Variants in MTUS1 observed in about 807,000 individuals in gnomAD.
The protein encoded by MTUS1 is microtubule associated scaffold protein 1, also known as microtubule-associated tumor suppressor 1.
In MTUS1, 109 loss-of-function variants were observed where a neutral mutation model predicts 120.8. The observed-to-expected ratio is 0.90, with a 90% CI of 0.77 to 1.06. The LOEUF is 1.06. Ranked by LOEUF, MTUS1 falls within the 50% of genes least tolerant of loss-of-function variation. The pLI is 0.00. For missense variants in MTUS1, 2,210 were observed against 1,486.3 expected (o/e 1.49, Z -8.01); for synonymous variants, 737 against 550.5 (o/e 1.34, Z -4.74).
chr8:17,646,989 T>A lies in MTUS1; in HGVS notation c.3592A>T (p.Ile1198Phe), dbSNP rs771830817. ...GCACTGTTTTATTTTTACCTTGAGA[T>A]TGCCATGTGCTTGTCCATCCGAGCT... ...LKARMDKHMA[I>F]SRQLSTEQAV... The change falls in exon 14 of 15, where the codon ATC becomes TTC. Residue 1198 changes from isoleucine (I) to phenylalanine (F), a missense_variant. Coordinates refer to ENST00000693296, the MANE Select transcript of MTUS1 (RefSeq NM_001363059.2). 3.1e-6 allele frequency: 5 copies of A among 1,613,278 alleles called. No individual in the cohort carries two copies. Among genetic ancestry groups the A allele is most frequent in the East Asian group, 2.2e-5 (1 of 44,862 alleles).
rs1199878054 is a variant in MTUS1 at position 17,727,595 on chromosome 8, T to C, written c.2288-3762A>G. Among the ~76,000 whole-genome samples, 3 of 152,222 alleles carry C rather than the reference T, an allele frequency of 2.0e-5. No homozygotes were observed. In the East Asian group the frequency reaches 5.8e-4, roughly 29 times the overall value. On this transcript the variant is annotated intron_variant, in intron 3 of 14. Transcript: ENST00000693296. ...CTAAAACATAGCAATATTAGGTTAATTGAGAGACTGCAAGTAACACAGGCG... is the reference window on the plus strand; with the variant it reads ...CTAAAACATAGCAATATTAGGTTAACTGAGAGACTGCAAGTAACACAGGCG...
At chr8:17,714,650 G>T (rs912310577) in intron 5 of MTUS1, among the ~76,000 whole-genome samples, 1 of 152,008 alleles carries the variant, frequency 6.6e-6, no homozygotes, top group Non-Finnish European at 1.5e-5. Flanking sequence ...ATACAGAAGA[G>T]TATATTCATT....
At chr8:17,780,974 T>A (rs1171229671) in intron 1 of MTUS1, 1 of 152,200 alleles carries the variant, frequency 6.6e-6, no homozygotes, top group African/African-American at 2.4e-5. Flanking sequence ...TAGTCAATCC[T>A]GAGGGGCTGT....
chr8:17,681,894 C>A (rs1264577999), intron 7 of MTUS1, among the ~76,000 whole-genome samples: 1 of 152,046 alleles, frequency 6.6e-6, no homozygotes, highest in Non-Finnish European at 1.5e-5. Context: ...TTTTATTTAA[C>A]CCAAATATAT....
At position 17,656,608 on chromosome 8, in the gene MTUS1, C is replaced by A. The variant is rs1353271487; in HGVS notation, c.2906-543G>T. Among the ~76,000 whole-genome samples the A allele has an allele frequency of 5.1e-5, 7 of 138,440 alleles. No individual in the cohort carries two copies. In the East Asian group the frequency reaches 1.1e-3, roughly 22 times the overall value. 90.8% of individuals were successfully genotyped at this position (138,440 alleles called of 152,430 possible). On this transcript the variant is annotated intron_variant, in intron 8 of 14. Transcript: ENST00000693296. ...GCAGTAAGAGAAGTACTTCAGAAGACCCAGGTTTCTAAGAGAAGATCCCCT... is the reference window on the plus strand; with the variant it reads ...GCAGTAAGAGAAGTACTTCAGAAGAACCAGGTTTCTAAGAGAAGATCCCCT...
intron 6 of MTUS1, among the ~76,000 whole-genome samples, chr8:17,710,117 A>T (rs955073334): frequency 2.6e-5 from 4 of 152,174 alleles, no homozygotes; most frequent in African/African-American, 9.7e-5. Flanking sequence ...TCTTGCCTCA[A>T]TGTTGGTGGC....
At chr8:17,715,401 TG>T (rs1822126246) in intron 5 of MTUS1, among the ~76,000 whole-genome samples, 1 of 152,180 alleles carries the variant, frequency 6.6e-6, no homozygotes, top group Non-Finnish European at 1.5e-5. Flanking sequence ...ACCAAAGACA[TG>T]AAGACACAAG....
In MTUS1 at chr8:17,650,715, C is replaced by T. The variant is rs140702914; in HGVS notation, c.3385-753G>A. The stretch of plus-strand genomic sequence containing the variant: ...AGAACAAGATCCTGTCTCAAAAACA[C>T]AAAACTCTCCAAAATAAATGCTACA... On this transcript the variant is annotated intron_variant, in intron 12 of 14. Coordinates refer to ENST00000693296, the MANE Select transcript of MTUS1 (RefSeq NM_001363059.2). Among the ~76,000 whole-genome samples the T allele has an allele frequency of 5.3e-3, 808 of 152,254 alleles. 1 individual carries two copies. Among genetic ancestry groups the T allele is most frequent in the South Asian group, 0.024 (115 of 4,826 alleles).
chr8:17,671,541 A>G (rs1812018617), intron 8 of MTUS1, among the ~76,000 whole-genome samples: 1 of 152,214 alleles, frequency 6.6e-6, no homozygotes, highest in African/African-American at 2.4e-5. Context: ...TGTGGCTCAG[A>G]CAGTGGAAAC....
At chr8:17,650,051 C>T in intron 12 of MTUS1, 89 bp from the exon 13 acceptor site, 1 of 780,352 alleles carries the variant, frequency 1.3e-6, no homozygotes, top group South Asian at 1.5e-5. Flanking sequence ...AGACATTAGA[C>T]AAGTAGCAAG....
At chr8:17,767,700 T>TAAGAAAA (rs1554533204) in intron 1 of MTUS1, among the ~76,000 whole-genome samples, 1 of 87,866 alleles carries the variant, frequency 1.1e-5, no homozygotes, top group African/African-American at 5.1e-5. Flanking sequence ...CCCTGTCTCT[T>TAAGAAAA]AAAAAAAAAA....
intron 8 of MTUS1, among the ~76,000 whole-genome samples, chr8:17,665,240 C>T (rs1810645923): frequency 6.6e-6 from 1 of 152,162 alleles, no homozygotes; most frequent in African/African-American, 2.4e-5. Flanking sequence ...CTGATTACTC[C>T]TGGGCATTAA....
chr8:17,722,557 G>A (rs1200308530), intron 4 of MTUS1: 10 of 985,232 alleles, frequency 1.0e-5, no homozygotes, highest in African/African-American at 1.7e-5. Flanking sequence ...GCCAGGGTAT[G>A]CAGCTACTTA....
At chr8:17,713,828 A>T (rs1821805302) in intron 5 of MTUS1, among the ~76,000 whole-genome samples, 1 of 152,222 alleles carries the variant, frequency 6.6e-6, no homozygotes, top group Non-Finnish European at 1.5e-5. Context: ...TGCAGATACC[A>T]GTTAGAACAG....
intron 4 of MTUS1, chr8:17,722,756 A>C (rs1003056587): frequency 6.1e-6 from 1 of 163,008 alleles, no homozygotes; most frequent in Non-Finnish European, 1.3e-5. Flanking sequence ...TCAGGGTAAC[A>C]GCAGAAGTTA....
At chr8:17,703,207 G>T (rs2130927496) in intron 6 of MTUS1, among the ~76,000 whole-genome samples, 1 of 152,274 alleles carries the variant, frequency 6.6e-6, no homozygotes, top group South Asian at 2.1e-4. Flanking sequence ...CCTATAAATG[G>T]ACGTGCGAGT....
At chr8:17,716,261 G>A (rs1023407069) in intron 4 of MTUS1, among the ~76,000 whole-genome samples, 4 of 152,128 alleles carry the variant, frequency 2.6e-5, no homozygotes, top group African/African-American at 9.7e-5. Context: ...ATCTCCATGG[G>A]GACAAGGAAG....
At chr8:17,751,542 G>A (rs2048190317) in intron 2 of MTUS1, among the ~76,000 whole-genome samples, 1 of 148,836 alleles carries the variant, frequency 6.7e-6, no homozygotes, top group African/African-American at 2.4e-5. Flanking sequence ...AAATTAGAGA[G>A]CACTGTGCTT....
intron 1 of MTUS1, among the ~76,000 whole-genome samples, chr8:17,782,973 G>C (rs2050994548): frequency 6.6e-6 from 1 of 152,156 alleles, no homozygotes; most frequent in Non-Finnish European, 1.5e-5. Context: ...AGCTACTCAG[G>C]AGGCTGAGGC....
Sources: allele counts gnomAD v4.1 joint callset (sites outside exome capture counted in the v4.1 genomes callset), GRCh38; gene constraint gnomAD v4.1.1; transcripts MANE v1.5; gene names NCBI Gene and HGNC (gene_info 2026-07-23, HGNC 2026-07-21).